RHBDF1: variants seen among roughly 807,000 people sequenced by gnomAD.
RHBDF1 encodes the protein rhomboid 5 homolog 1, also known as inactive rhomboid protein 1.
Under a neutral mutation model 98.6 loss-of-function variants are expected in RHBDF1, and 80 were observed. That is an observed-to-expected ratio of 0.81 (90% confidence interval 0.68 to 0.98). RHBDF1 has a LOEUF of 0.98. Among genes scored for constraint, RHBDF1 ranks in the 50% least tolerant of loss-of-function variants. The pLI is 0.00. For missense variants in RHBDF1, 1,116 were observed against 1,198.3 expected (o/e 0.93, Z 1.01); for synonymous variants, 512 against 486.8 (o/e 1.05, Z -0.68).
At chr16:73,279 AT>A (rs1898024501), upstream of RHBDF1, among the ~76,000 whole-genome samples, 4 of 152,066 alleles carry the variant, frequency 2.6e-5, no homozygotes, top group Admixed American at 2.6e-4. Flanking sequence ...GACCACAGTC[AT>A]TACCCCTCCC....
intron 1 of RHBDF1, among the ~76,000 whole-genome samples, chr16:65,990 C>T (rs1897820429): frequency 6.6e-6 from 1 of 152,220 alleles, no homozygotes. Flanking sequence ...GGCCAGGGTT[C>T]GATTCTGGCC....
chr16:60,125 G>A (rs1897552220), intron 13 of RHBDF1, 91 bp downstream of exon 13: 1 of 1,598,216 alleles, frequency 6.3e-7, no homozygotes, highest in Admixed American at 1.7e-5. Context: ...GTCCCATGAT[G>A]GGAATCTCTG....
Position 72,601 on chromosome 16 carries a change from C to T in RHBDF1, c.-113G>A. ...GGGAGGGCCCGCGCCGAGTCCCCGC[C>T]CGCCCGCCGGTCCGGCCCGCCCGGG... On this transcript the variant is annotated 5_prime_UTR_variant, in exon 1 of 18. Transcript: ENST00000262316. 3 of 977,838 alleles carry T rather than the reference C, an allele frequency of 3.1e-6. No individual in the cohort carries two copies. Among genetic ancestry groups the T allele is most frequent in the Non-Finnish European group, 2.4e-6 (2 of 825,374 alleles). The allele number at this position is 977,838 out of a possible 1,614,324, so 60.6% of individuals were successfully genotyped here.
intron 1 of RHBDF1, among the ~76,000 whole-genome samples, chr16:71,623 C>A (rs893281329): frequency 8.5e-5 from 13 of 152,328 alleles, no homozygotes; most frequent in African/African-American, 3.1e-4. Flanking sequence ...GGCCTCCAGA[C>A]CTAGGCCCCA....
intron 11 of RHBDF1, 48 bp from the exon 12 acceptor site, chr16:60,587 A>G: frequency 7.1e-7 from 1 of 1,409,816 alleles, no homozygotes; most frequent in Non-Finnish European, 9.9e-7. Context: ...CAGGGCAATG[A>G]GGGGCACGCA....
intron 1 of RHBDF1, among the ~76,000 whole-genome samples, chr16:68,912 G>A (rs1361045931): frequency 6.6e-6 from 1 of 152,152 alleles, no homozygotes; most frequent in African/African-American, 2.4e-5. Context: ...AGGCCACTGG[G>A]GACAGCCCAG....
In RHBDF1 at chr16:62,534, T is replaced by C. The variant is rs1897674511; in HGVS notation, c.953+4A>G. ...TGCCCCTCTTCCCTGCCTGCCGCAC[T>C]CACAGCATCAGGTGGCTGCGCTCAA... On this transcript the variant is annotated splice_donor_region_variant and intron_variant, in intron 7 of 17. Transcript: ENST00000262316. 1.9e-6 allele frequency: 3 copies of C among 1,611,754 alleles called. No homozygotes were observed. The highest frequency in any genetic ancestry group is 1.7e-5 in the Admixed American group (1 of 59,984).
intron 3 of RHBDF1, 90 bp from the exon 4 acceptor site, chr16:63,890 C>CTG (rs753687843): frequency 1.1e-6 from 1 of 885,902 alleles, no homozygotes; most frequent in Non-Finnish European, 1.6e-6. Flanking sequence ...AGCATGCTGC[C>CTG]CCCAGGCCTG....
chr16:63,575 A>G lies in RHBDF1; in HGVS notation c.462+12T>C. The G allele has an allele frequency of 2.0e-6, 3 of 1,530,304 alleles. No individual in the cohort carries two copies. The highest frequency in any genetic ancestry group is 1.4e-5 in the African/African-American group (1 of 72,298). 94.8% of individuals were successfully genotyped at this position (1,530,304 alleles called of 1,614,324 possible). A position where few individuals can be genotyped will look rare whatever the true frequency, so the allele number is the denominator to read the frequency against. On this transcript the variant is annotated intron_variant, in intron 4 of 17. Transcript: ENST00000262316. Reference sequence around the variant, plus strand: ...GGAGGGGCCTGCAGGAGGCAGCAACAGGCAGGCATACCTTCTGCATGCCCA... The same window carrying G: ...GGAGGGGCCTGCAGGAGGCAGCAACGGGCAGGCATACCTTCTGCATGCCCA...
At chr16:71,486 A>C (rs547321188) in intron 1 of RHBDF1, among the ~76,000 whole-genome samples, 2 of 152,254 alleles carry the variant, frequency 1.3e-5, no homozygotes, top group African/African-American at 4.8e-5. Flanking sequence ...GGTGAGGAGA[A>C]CCGAGCCTGG....
At chr16:69,124 C>T (rs1897906549) in intron 1 of RHBDF1, among the ~76,000 whole-genome samples, 1 of 152,136 alleles carries the variant, frequency 6.6e-6, no homozygotes, top group South Asian at 2.1e-4. Context: ...GCATATGCAA[C>T]AAGAGGGCAG....
rs1284535715 is a variant in RHBDF1 at position 63,055 on chromosome 16, G to A, written c.590C>T (p.Ser197Leu). 3.7e-6 allele frequency: 6 copies of A among 1,612,858 alleles called. No homozygotes were observed. Among genetic ancestry groups the A allele is most frequent in the Non-Finnish European group, 5.1e-6 (6 of 1,179,836 alleles). The change falls in exon 5 of 18, where the codon TCA becomes TTA. Residue 197 changes from serine to leucine, a missense_variant. Physicochemically the swap from Ser to Leu is moderately radical, Grantham distance 145 (BLOSUM62 -2). Coordinates refer to ENST00000262316, the MANE Select transcript of RHBDF1 (RefSeq NM_022450.5). ...CCGCCGCGGGAGCCGGTGGAAACCT[G>A]AGCGGGAGCTGGAGAAGGAGCAGAG... The part of the protein sequence containing the change: ...ASLCSFSSSR[S>L]GFHRLPRRRK...
chr16:66,618 C>A (rs376010105), intron 1 of RHBDF1, among the ~76,000 whole-genome samples: 4 of 152,184 alleles, frequency 2.6e-5, no homozygotes, highest in Non-Finnish European at 4.4e-5. Context: ...CTGGCTCTTA[C>A]CCCACCCCTC....
intron 4 of RHBDF1, 24 bp downstream of exon 4, chr16:63,563 G>A: frequency 9.2e-6 from 14 of 1,518,342 alleles, no homozygotes; most frequent in Non-Finnish European, 1.2e-5. Context: ...GGGGCCTGCA[G>A]GAGGCAGCAA....
At chr16:75,399 TA>T (rs1898067593), upstream of RHBDF1, among the ~76,000 whole-genome samples, 1 of 152,142 alleles carries the variant, frequency 6.6e-6, no homozygotes, top group Non-Finnish European at 1.5e-5. Flanking sequence ...AGGCCACAAG[TA>T]ATCACCCAAG....
upstream of RHBDF1, chr16:72,727 G>C: frequency 1.0e-6 from 1 of 981,680 alleles, no homozygotes; most frequent in Non-Finnish European, 1.2e-6. Flanking sequence ...CCGCCTGCCC[G>C]GCCCAAGTCA....
At chr16:59,661 G>A (rs1383069538) in intron 14 of RHBDF1, 71 bp downstream of exon 14, 1 of 1,568,600 alleles carries the variant, frequency 6.4e-7, no homozygotes, top group Non-Finnish European at 8.7e-7. Flanking sequence ...GATTTGGTTA[G>A]GGAGAAGGCA....
Position 61,631 on chromosome 16 carries a change from T to C in RHBDF1, c.1274A>G (p.Tyr425Cys), listed in dbSNP as rs758870359. The C allele has an allele frequency of 9.9e-6, 16 of 1,613,312 alleles. No individual in the cohort carries two copies. The highest frequency in any genetic ancestry group is 1.4e-5 in the Non-Finnish European group (16 of 1,179,898). The change falls in exon 9 of 18, where the codon TAT becomes TGT. Residue 425 changes from tyrosine (Y) to cysteine (C), a missense_variant. Transcript: ENST00000262316. ...SLVTILAVCI[Y>C]GIAPVGFSQH... The stretch of plus-strand genomic sequence containing the variant: ...CGAGAAGCCCACGGGCGCGATGCCA[T>C]AGATGCACACGGCTAGGATGGTGAC...
At chr16:73,534 C>T (rs1198557449), upstream of RHBDF1, among the ~76,000 whole-genome samples, 1 of 152,196 alleles carries the variant, frequency 6.6e-6, no homozygotes, top group African/African-American at 2.4e-5. Flanking sequence ...AGTTTCCCAG[C>T]ATTTCTCTCC....
Sources: allele counts gnomAD v4.1 joint callset (sites outside exome capture counted in the v4.1 genomes callset), GRCh38; gene constraint gnomAD v4.1.1; transcripts MANE v1.5; gene names NCBI Gene and HGNC (gene_info 2026-07-23, HGNC 2026-07-21).